Variants in RTN4IP1 observed in about 807,000 individuals in gnomAD.
RTN4IP1 encodes reticulon 4 interacting protein 1, also known as NAD(P)H oxidoreductase RTN4IP1, mitochondrial.
Under a neutral mutation model 46.6 loss-of-function variants are expected in RTN4IP1, and 32 were observed. The ratio of observed to expected loss-of-function variants is 0.69; its 90% confidence interval spans 0.52 to 0.92. RTN4IP1 has a LOEUF of 0.92. Among genes scored for constraint, RTN4IP1 ranks in the 40% least tolerant of loss-of-function variants. The probability of loss-of-function intolerance (pLI) is 0.00; values close to 1 mark genes in which losing one functional copy is unlikely to be tolerated. For synonymous variants in RTN4IP1, 167 were observed against 161.8 expected (o/e 1.03, Z -0.24); for missense variants, 424 against 485.8 (o/e 0.87, Z 1.20).
chr6:106,585,594 A>T (rs12523774), intron 7 of RTN4IP1, among the ~76,000 whole-genome samples: 27,237 of 152,144 alleles, frequency 0.18, 2,887 homozygotes, highest in East Asian at 0.33. Context: ...GCAGAATTTT[A>T]ATATTCTGCT....
At chr6:106,608,478 G>A (rs984535823) in intron 4 of RTN4IP1, among the ~76,000 whole-genome samples, 1 of 152,152 alleles carries the variant, frequency 6.6e-6, no homozygotes, top group Non-Finnish European at 1.5e-5. Flanking sequence ...AAAACTAAAA[G>A]AGAGGATTTT....
intron 4 of RTN4IP1, among the ~76,000 whole-genome samples, chr6:106,604,828 G>A (rs1047080493): frequency 2.0e-5 from 3 of 152,114 alleles, no homozygotes; most frequent in African/African-American, 7.2e-5. Flanking sequence ...CTTCTTTGAG[G>A]TTTGTACCTT....
intron 4 of RTN4IP1, among the ~76,000 whole-genome samples, chr6:106,614,666 G>A (rs555407782): frequency 2.2e-4 from 33 of 152,276 alleles, no homozygotes; most frequent in Non-Finnish European, 4.7e-4. Flanking sequence ...CATACGAAAA[G>A]TAAGTATTTA....
chr6:106,596,876 C>T (rs1219133727), intron 5 of RTN4IP1, among the ~76,000 whole-genome samples: 3 of 152,172 alleles, frequency 2.0e-5, no homozygotes, highest in Admixed American at 6.5e-5. Context: ...ATTCTTGGCG[C>T]ACTCTTCCTT....
At chr6:106,601,371 T>C (rs1316999939) in intron 5 of RTN4IP1, among the ~76,000 whole-genome samples, 3 of 152,234 alleles carry the variant, frequency 2.0e-5, no homozygotes, top group African/African-American at 7.2e-5. Flanking sequence ...GGTTGTCTTT[T>C]CATTTTCTTG....
Position 106,571,777 on chromosome 6 carries a change from T to C in RTN4IP1, c.*219A>G. On this transcript the variant is annotated 3_prime_UTR_variant, in exon 9 of 9. Transcript: ENST00000369063. ...GCAAAGCCAGTGTGAAGGAACAGCTTGAAAAAACTTCGAATTTCTACTGAC... is the reference window on the plus strand; with the variant it reads ...GCAAAGCCAGTGTGAAGGAACAGCTCGAAAAAACTTCGAATTTCTACTGAC... 1 of 476,948 alleles carries C rather than the reference T, an allele frequency of 2.1e-6. No individual in the cohort carries two copies. The allele number at this position is 476,948 out of a possible 1,614,324, so 29.5% of individuals were successfully genotyped here. A position where few individuals can be genotyped will look rare whatever the true frequency, so the allele number is the denominator to read the frequency against.
chr6:106,574,996 A>C (rs1030615967), intron 8 of RTN4IP1, among the ~76,000 whole-genome samples: 2 of 152,260 alleles, frequency 1.3e-5, no homozygotes, highest in African/African-American at 4.8e-5. Context: ...AATTGAAGGC[A>C]GGCAAATGCC....
upstream of RTN4IP1, chr6:106,629,715 A>G (rs764475806): frequency 2.8e-5 from 45 of 1,604,350 alleles, no homozygotes; most frequent in African/African-American, 5.6e-4. Flanking sequence ...AGTGAGTGGA[A>G]TTGGCCCGCT....
chr6:106,621,453 G>A lies in RTN4IP1; in HGVS notation c.467C>T (p.Ser156Leu). The A allele has an allele frequency of 6.2e-7, 1 of 1,613,968 alleles. No homozygotes were observed. Among genetic ancestry groups the A allele is most frequent in the Non-Finnish European group, 8.5e-7 (1 of 1,179,904 alleles). The change falls in exon 3 of 9, where the codon TCA (serine) becomes TTA (leucine). Residue 156 changes from serine to leucine, a missense_variant. Coordinates refer to ENST00000369063, the MANE Select transcript of RTN4IP1 (RefSeq NM_032730.5). Reference sequence around the variant, plus strand: ...ATTCCCACTGACTACAACAAACTCTGAAAGAGTGCCTTGTTTCCAAGGAGG... The same window carrying A: ...ATTCCCACTGACTACAACAAACTCTAAAAGAGTGCCTTGTTTCCAAGGAGG... ...AVPPWKQGTLSEFVVVSGNEV... is the reference protein window; with the variant it reads ...AVPPWKQGTLLEFVVVSGNEV...
chr6:106,592,528 C>T (rs1775688402), intron 5 of RTN4IP1, among the ~76,000 whole-genome samples: 1 of 152,158 alleles, frequency 6.6e-6, no homozygotes, highest in Admixed American at 6.5e-5. Context: ...ATCTCATTTT[C>T]CCTACATGAG....
Position 106,629,438 on chromosome 6 carries a change from G to T in RTN4IP1, c.-417C>A, listed in dbSNP as rs775507799. The T allele has an allele frequency of 1.9e-5, 11 of 592,328 alleles. No homozygotes were observed. The highest frequency in any genetic ancestry group is 3.1e-5 in the Admixed American group (1 of 32,178). 36.7% of individuals were successfully genotyped at this position (592,328 alleles called of 1,614,324 possible). A position where few individuals can be genotyped will look rare whatever the true frequency, so the allele number is the denominator to read the frequency against. ...AATCGAACGCTTGCCGACTGCCGCC[G>T]CGACCCTGGCCCGGAATCTCCTTGC... On this transcript the variant is annotated 5_prime_UTR_variant, in exon 1 of 9. Coordinates refer to ENST00000369063, the MANE Select transcript of RTN4IP1 (RefSeq NM_032730.5).
chr6:106,587,554 C>G, intron 7 of RTN4IP1, 125 bp downstream of exon 7: 1 of 801,574 alleles, frequency 1.2e-6, no homozygotes, highest in Non-Finnish European at 2.0e-6. Flanking sequence ...ACTGTGACTG[C>G]AGAGTCCATG....
At chr6:106,589,857 A>G (rs1462076145) in intron 6 of RTN4IP1, among the ~76,000 whole-genome samples, 1 of 152,228 alleles carries the variant, frequency 6.6e-6, no homozygotes, top group Admixed American at 6.5e-5. Context: ...TAAGTCACGA[A>G]GTTCCCCCTA....
chr6:106,583,353 A>G lies in RTN4IP1; in HGVS notation c.1058T>C (p.Ile353Thr). 6 of 1,613,768 alleles carry G rather than the reference A, an allele frequency of 3.7e-6. No individual in the cohort carries two copies. The highest frequency in any genetic ancestry group is 1.1e-5 in the South Asian group (1 of 91,038). ...FMASGPCLDD[I>T]AELVDAGKIR... ...CTTTCCCGCATCCACCAGTTCTGCA[A>G]TGTCATCTAAACATGGGCCACTGGC... is the stretch of plus-strand genomic sequence containing the variant. The change falls in exon 8 of 9, where the codon ATT becomes ACT. Residue 353 changes from isoleucine to threonine, a missense_variant. Transcript: ENST00000369063.
chr6:106,595,298 A>C (rs1331791039), intron 5 of RTN4IP1, among the ~76,000 whole-genome samples: 2 of 152,088 alleles, frequency 1.3e-5, no homozygotes, highest in Admixed American at 6.6e-5. Context: ...TGGAGACTAG[A>C]TCTGATTCCA....
Position 106,571,844 on chromosome 6 carries a change from G to T in RTN4IP1, c.*152C>A. 3 of 550,454 alleles carry T rather than the reference G, an allele frequency of 5.5e-6. No individual in the cohort carries two copies. Among genetic ancestry groups the T allele is most frequent in the African/African-American group, 1.9e-5 (1 of 52,162 alleles). 34.1% of individuals were successfully genotyped at this position (550,454 alleles called of 1,614,324 possible). On this transcript the variant is annotated 3_prime_UTR_variant, in exon 9 of 9. Transcript: ENST00000369063. ...TGCTGATATTTTTATATCAATTACTGGCCAAAATGGTGTGTTTATTTTTTA... is the reference window on the plus strand; with the variant it reads ...TGCTGATATTTTTATATCAATTACTTGCCAAAATGGTGTGTTTATTTTTTA...
chr6:106,572,153 A>C, intron 8 of RTN4IP1, 50 bp from the exon 9 acceptor site: 1 of 1,390,152 alleles, frequency 7.2e-7, no homozygotes, highest in Non-Finnish European at 1.0e-6. Flanking sequence ...TACATCTTTC[A>C]AGGCAGATGA....
chr6:106,589,184 G>A (rs1582866037), intron 6 of RTN4IP1, among the ~76,000 whole-genome samples: 3 of 16,398 alleles, frequency 1.8e-4, no homozygotes, highest in Non-Finnish European at 3.0e-4. Flanking sequence ...AGGAGGAGGA[G>A]GAGGGAGGAG....
chr6:106,573,161 A>C (rs1195815241), intron 8 of RTN4IP1, among the ~76,000 whole-genome samples: 2 of 152,228 alleles, frequency 1.3e-5, no homozygotes, highest in Admixed American at 1.3e-4. Flanking sequence ...TCCTTCTGAA[A>C]CTAGGTCCCA....
Sources: gnomAD v4.1 joint callset for allele counts (sites outside exome capture counted in the v4.1 genomes callset) on GRCh38, gnomAD v4.1.1 for gene constraint, MANE v1.5 for transcripts, NCBI Gene and HGNC (gene_info 2026-07-23, HGNC 2026-07-21) for gene names.